SV2C: variants seen among roughly 807,000 people sequenced by gnomAD.
The protein encoded by SV2C is synaptic vesicle glycoprotein 2C, also known as solute carrier family 22 member B3.
In SV2C, 49 loss-of-function variants were observed where a neutral mutation model predicts 79.7. The observed-to-expected ratio is 0.61, with a 90% confidence interval of 0.49 to 0.78. The LOEUF is 0.78. SV2C is among the 30% of genes least tolerant of loss of function. SV2C has a pLI of 0.00. For missense variants in SV2C, 833 were observed against 912.9 expected (o/e 0.91, Z 1.13); for synonymous variants, 334 against 333.2 (o/e 1.00, Z -0.03).
intron 1 of SV2C, among the ~76,000 whole-genome samples, chr5:76,089,305 T>A (rs1042014264): frequency 6.6e-6 from 1 of 152,218 alleles, no homozygotes; most frequent in Non-Finnish European, 1.5e-5. Flanking sequence ...TGCATTAGTT[T>A]GCTGAGGATA....
chr5:75,870,355 A>G, the SV2C span, among the ~76,000 whole-genome samples: 1 of 152,048 alleles, frequency 6.6e-6, no homozygotes, highest in Non-Finnish European at 1.5e-5. Context: ...GAGCTGTGAA[A>G]TGCATTTCAC....
chr5:76,235,784 T>C (rs55738836), intron 4 of SV2C, among the ~76,000 whole-genome samples: 10,783 of 151,592 alleles, frequency 0.071, 1,233 homozygotes, highest in African/African-American at 0.25. Context: ...TTTTTTTTCC[T>C]TTCCATTTAG....
intron 2 of SV2C, among the ~76,000 whole-genome samples, chr5:76,134,889 G>T (rs1251642596): frequency 5.9e-5 from 9 of 152,154 alleles, no homozygotes; most frequent in Non-Finnish European, 1.5e-5. Flanking sequence ...ATTGTCACAA[G>T]GATAATAGGA....
At chr5:76,303,694 T>A (rs1053119372) in intron 12 of SV2C, among the ~76,000 whole-genome samples, 9 of 152,170 alleles carry the variant, frequency 5.9e-5, no homozygotes, top group African/African-American at 2.2e-4. Context: ...CTGTGAGAAG[T>A]ACAGACCTAC....
chr5:76,317,536 A>T (rs1436945394), intron 12 of SV2C, among the ~76,000 whole-genome samples: 4 of 152,308 alleles, frequency 2.6e-5, no homozygotes, highest in Admixed American at 1.3e-4. Flanking sequence ...CCTTTTTAAA[A>T]TGTGGCACTT....
chr5:76,237,522 C>G (rs1745648203), intron 4 of SV2C, among the ~76,000 whole-genome samples: 1 of 152,178 alleles, frequency 6.6e-6, no homozygotes, highest in African/African-American at 2.4e-5. Flanking sequence ...CTGAGTTGAT[C>G]TATTTCTGGA....
chr5:76,014,766 A>T, the SV2C span, among the ~76,000 whole-genome samples: 1 of 152,320 alleles, frequency 6.6e-6, no homozygotes, highest in South Asian at 2.1e-4. Flanking sequence ...CTTAAGGTGC[A>T]AGTTACCAGA....
chr5:76,203,185 C>G (rs901519806), intron 3 of SV2C, among the ~76,000 whole-genome samples: 1 of 152,128 alleles, frequency 6.6e-6, no homozygotes, highest in East Asian at 1.9e-4. Context: ...AAAAATTAGC[C>G]ATATGCACTC....
chr5:76,088,798 T>TA (rs1747282391), intron 1 of SV2C, among the ~76,000 whole-genome samples: 13 of 151,944 alleles, frequency 8.6e-5, no homozygotes, highest in African/African-American at 3.1e-4. Context: ...TTCCTTTTTT[T>TA]TAAAAAAAAA....
the SV2C span, among the ~76,000 whole-genome samples, chr5:75,898,519 C>T: frequency 6.6e-6 from 1 of 152,236 alleles, no homozygotes; most frequent in Non-Finnish European, 1.5e-5. Flanking sequence ...GGATATTGGT[C>T]TAAAATTCTC....
At chr5:75,924,648 A>G in the SV2C span, among the ~76,000 whole-genome samples, 1 of 152,098 alleles carries the variant, frequency 6.6e-6, no homozygotes, top group Admixed American at 6.5e-5. Flanking sequence ...ATATATGACA[A>G]AGTGGTATTT....
Position 76,236,646 on chromosome 5 carries a change from G to A in SV2C, c.913+26759G>A, listed in dbSNP as rs78236845. 3.2e-3 allele frequency among the ~76,000 whole-genome samples: 483 copies of A among 152,108 alleles called. 10 individuals are homozygous for A. In the East Asian group the frequency reaches 0.056, roughly 18 times the overall value. On this transcript the variant is annotated intron_variant, in intron 4 of 12. Transcript: ENST00000502798. ...TTCTTTTTAACAACCAGCTCTTATC[G>A]GAACAAATAAAGTGAGAACTCACTC...
the SV2C span, chr5:76,075,790 G>C: frequency 1.5e-5 from 4 of 265,356 alleles, no homozygotes; most frequent in Non-Finnish European, 2.4e-5. Flanking sequence ...GAAACTGGAA[G>C]TGTCATGTCT....
chr5:76,058,436 A>G, the SV2C span, among the ~76,000 whole-genome samples: 5 of 152,152 alleles, frequency 3.3e-5, no homozygotes, highest in African/African-American at 9.7e-5. Context: ...ATCCTGACTT[A>G]CATCCCTGAA....
At chr5:76,268,849 GTTTAAC>G (rs1232536948) in intron 4 of SV2C, among the ~76,000 whole-genome samples, 3 of 152,082 alleles carry the variant, frequency 2.0e-5, no homozygotes, top group Admixed American at 1.3e-4. Flanking sequence ...AACCCCTATA[GTTTAAC>G]TTTATAACAA....
intron 3 of SV2C, among the ~76,000 whole-genome samples, chr5:76,203,525 A>T (rs1744516752): frequency 6.6e-6 from 1 of 152,094 alleles, no homozygotes; most frequent in South Asian, 2.1e-4. Context: ...TTTTTTTTCA[A>T]GACAGTATTA....
chr5:75,909,188 C>T, the SV2C span, among the ~76,000 whole-genome samples: 2 of 152,204 alleles, frequency 1.3e-5, no homozygotes, highest in Non-Finnish European at 2.9e-5. Context: ...CCATGCAAAG[C>T]ACAGCAAAAT....
At chr5:75,921,437 C>T in the SV2C span, 1 of 801,722 alleles carries the variant, frequency 1.2e-6, no homozygotes, top group Non-Finnish European at 2.3e-6. Context: ...GAGCCTCCAG[C>T]TTGAACTTCT....
At chr5:76,292,665 T>C (rs184670122) in intron 8 of SV2C, among the ~76,000 whole-genome samples, 24 of 152,312 alleles carry the variant, frequency 1.6e-4, no homozygotes, top group Admixed American at 1.0e-3. Context: ...AAAATAATAA[T>C]AATTTTGTTT....
Sources: gnomAD v4.1 joint callset for allele counts (sites outside exome capture counted in the v4.1 genomes callset) on GRCh38, gnomAD v4.1.1 for gene constraint, MANE v1.5 for transcripts, NCBI Gene and HGNC (gene_info 2026-07-23, HGNC 2026-07-21) for gene names.